Variants in GAS6 observed in about 807,000 individuals in gnomAD.
The protein encoded by GAS6 is growth arrest specific 6.
GAS6 carries 41 observed loss-of-function variants against 75.8 expected under a neutral mutation model. That is an observed-to-expected ratio of 0.54 (90% confidence interval 0.42 to 0.70). The LOEUF (loss-of-function observed/expected upper bound fraction) is 0.70. Among genes scored for constraint, GAS6 ranks in the 30% least tolerant of loss-of-function variants. The pLI, the probability that GAS6 is intolerant of heterozygous loss-of-function variation, is 0.00. For synonymous variants in GAS6, 432 were observed against 412.6 expected, an observed-to-expected ratio of 1.05 and a Z score of -0.57; for missense variants, 854 against 940.2, an observed-to-expected ratio of 0.91 and a Z score of 1.20.
intron 2 of GAS6, among the ~76,000 whole-genome samples, chr13:113,851,936 C>T (rs1351940183): frequency 6.6e-6 from 1 of 152,172 alleles, no homozygotes; most frequent in African/African-American, 2.4e-5. Flanking sequence ...AGGTGGCAAG[C>T]GTGGTGCCCA....
rs1450476757 is a variant in GAS6 at position 113,864,035 on chromosome 13, GGCGGCGGCGGCGGCGGCT to G, written c.-133_-116del. ...GCGGCCCTGAAGGTCACATCGCGGCGGCGGCGGCGGCGGCGGCTGCGGCACCTCAAGCGCTCGGTCTGG... is the reference window on the plus strand; with the variant it reads ...GCGGCCCTGAAGGTCACATCGCGGCGGCGGCACCTCAAGCGCTCGGTCTGG... On this transcript the variant is annotated 5_prime_UTR_variant, in exon 1 of 15. Coordinates refer to ENST00000327773, the MANE Select transcript of GAS6 (RefSeq NM_000820.4). 1.0e-6 allele frequency: 1 copy of G among 958,546 alleles called. No homozygotes were observed. Among genetic ancestry groups the G allele is most frequent in the Non-Finnish European group, 1.2e-6 (1 of 802,404 alleles). The allele number at this position is 958,546 out of a possible 1,614,324, so 59.4% of individuals were successfully genotyped here.
Position 113,828,635 on chromosome 13 carries a change from C to A in GAS6, c.1220G>T (p.Gly407Val), listed in dbSNP as rs747761635. Residue 407 changes from glycine (G) to valine (V), a missense_variant, in exon 11 of 15, where the codon GGG (glycine) becomes GTG (valine). Physicochemically the swap from Gly to Val is moderately radical, Grantham distance 109. Coordinates refer to ENST00000327773, the MANE Select transcript of GAS6 (RefSeq NM_000820.4). ...RDAVMKIAVA[G>V]DLFQPERGLY... Reference sequence around the variant, plus strand: ...TCCTCGCTCCGGTTGGAACAAGTCCCCGGCCACCGCGATTTTCATGACAGC... The same window carrying A: ...TCCTCGCTCCGGTTGGAACAAGTCCACGGCCACCGCGATTTTCATGACAGC... The A allele has an allele frequency of 1.2e-6, 2 of 1,613,596 alleles. No homozygotes were observed. The highest frequency in any genetic ancestry group is 8.5e-7 in the Non-Finnish European group (1 of 1,179,990).
rs1429989858 is a variant in GAS6, at chr13:113,839,828, G to A, written c.366C>T (p.Pro122=). 6 of 1,613,940 alleles carry A rather than the reference G, an allele frequency of 3.7e-6. No homozygotes were observed. In the East Asian group the frequency reaches 1.3e-4, roughly 36 times the overall value. ...CVQNLPDQCT[P]NPCDRKGTQA... is the part of the protein sequence containing the mutation. ...GGGTCCCCTTCCTATCGCAGGGGTT[G>A]GGCGTGCACTGGTCAGGCAGGTCTG... The change falls in exon 5 of 15, where the codon CCC becomes CCT. Residue 122 remains proline (P), a synonymous_variant. Coordinates refer to ENST00000327773, the MANE Select transcript of GAS6 (RefSeq NM_000820.4).
At chr13:113,836,875 GA>G (rs1261923270) in intron 6 of GAS6, among the ~76,000 whole-genome samples, 7 of 95,182 alleles carry the variant, frequency 7.4e-5, no homozygotes, top group Admixed American at 1.1e-4. Flanking sequence ...GGAGTGGGGA[GA>G]GGAGGAGGGG....
At chr13:113,823,656 G>T in intron 12 of GAS6, 106 bp from the exon 13 acceptor site, 1 of 1,124,554 alleles carries the variant, frequency 8.9e-7, no homozygotes, top group African/African-American at 1.6e-5. Flanking sequence ...GTGGGAAGCT[G>T]TGCAGACAGC....
At chr13:113,826,304 C>T (rs1371568887) in intron 12 of GAS6, among the ~76,000 whole-genome samples, 1 of 152,242 alleles carries the variant, frequency 6.6e-6, no homozygotes, top group African/African-American at 2.4e-5. Context: ...CCGAGAGCTT[C>T]TCTGTGCCCC....
chr13:113,823,344 G>A, intron 13 of GAS6, 31 bp downstream of exon 13: 1 of 1,588,784 alleles, frequency 6.3e-7, no homozygotes, highest in Non-Finnish European at 8.6e-7. Flanking sequence ...GGTCGAGCCG[G>A]TCAGGACGCC....
chr13:113,826,390 C>T lies in GAS6; in HGVS notation c.1477+606G>A, dbSNP rs867525140. On this transcript the variant is annotated intron_variant, in intron 12 of 14. Transcript: ENST00000327773. ...GTAAGGCTCCCAGCCTCCCCGGCCTCGCAGGCACCTTCTCTCCCCGGCCTC... is the reference window on the plus strand; with the variant it reads ...GTAAGGCTCCCAGCCTCCCCGGCCTTGCAGGCACCTTCTCTCCCCGGCCTC... Among the ~76,000 whole-genome samples the T allele has an allele frequency of 2.7e-4, 40 of 147,638 alleles. 1 individual carries two copies. Among genetic ancestry groups the T allele is most frequent in the Admixed American group, 5.3e-4 (8 of 14,990 alleles).
In GAS6 at chr13:113,848,978, G is replaced by C. The variant is rs373412155; in HGVS notation, c.256-928C>G. Among the ~76,000 whole-genome samples the C allele has an allele frequency of 7.9e-5, 12 of 152,172 alleles. No homozygotes were observed. Among genetic ancestry groups the C allele is most frequent in the African/African-American group, 2.2e-4 (9 of 41,440 alleles). On this transcript the variant is annotated intron_variant, in intron 2 of 14. Transcript: ENST00000327773. This position sits in a 1 kb window ranked among gnomAD's most constrained non-coding sequence, Gnocchi z 4.8. Reference sequence around the variant, plus strand: ...CAGACAGAGGCGGTAGGTACCCAGCGCCGTCTGCAACGCGCCTCTGGCTTC... The same window carrying C: ...CAGACAGAGGCGGTAGGTACCCAGCCCCGTCTGCAACGCGCCTCTGGCTTC...
In GAS6 at chr13:113,834,725, G is replaced by A. The variant is rs28363802; in HGVS notation, c.713-53C>T. ...GCCGGGGAGGCCTCTACGCTGTCCC[G>A]CCGTGGGATCACACCGCGATTGCTC... On this transcript the variant is annotated intron_variant, in intron 7 of 14. Transcript: ENST00000327773. 9,010 of 1,393,508 alleles carry A rather than the reference G, an allele frequency of 6.5e-3. 46 individuals carry two copies. Among genetic ancestry groups the A allele is most frequent in the Non-Finnish European group, 7.5e-3 (8,037 of 1,064,642 alleles). The allele number at this position is 1,393,508 out of a possible 1,614,324, so 86.3% of individuals were successfully genotyped here.
intron 14 of GAS6, chr13:113,821,735 G>A (rs1414371901): frequency 1.3e-5 from 7 of 522,590 alleles, no homozygotes; most frequent in East Asian, 9.4e-5. Context: ...GGCCAATGCC[G>A]GCCCCCGTAC....
In GAS6 at chr13:113,859,160, G is replaced by T. The variant is rs568452936; in HGVS notation, c.255+4415C>A. 4.0e-5 allele frequency among the ~76,000 whole-genome samples: 6 copies of T among 151,776 alleles called. No individual in the cohort carries two copies. In the South Asian group the frequency reaches 1.3e-3, roughly 32 times the overall value. On this transcript the variant is annotated intron_variant, in intron 2 of 14. Coordinates refer to ENST00000327773, the MANE Select transcript of GAS6 (RefSeq NM_000820.4). ...TCTATGTGAATGTGTGCATGTATGT[G>T]TACATGTCTGCTAGTATGTGCCTTT...
Position 113,836,081 on chromosome 13 carries a change from G to C in GAS6, c.590-446C>G, listed in dbSNP as rs188792594. ...GGGTTAAACCACAATCCTAAGACTT[G>C]AGCATCTAATGTGGGACAGATGCTG... On this transcript the variant is annotated intron_variant, in intron 6 of 14. Coordinates refer to ENST00000327773, the MANE Select transcript of GAS6 (RefSeq NM_000820.4). 9.0e-4 allele frequency: 886 copies of C among 986,142 alleles called. 7 individuals are homozygous for C. The African/African-American group carries it at 0.015, about 17-fold the overall frequency. The allele number at this position is 986,142 out of a possible 1,614,324, so 61.1% of individuals were successfully genotyped here.
chr13:113,823,332 TG>T, intron 13 of GAS6, 42 bp downstream of exon 13: 1 of 1,563,768 alleles, frequency 6.4e-7, no homozygotes, highest in Non-Finnish European at 8.7e-7. Flanking sequence ...CACGTACCCG[TG>T]GGTCGAGCCG....
intron 12 of GAS6, among the ~76,000 whole-genome samples, chr13:113,824,788 A>G (rs2051512980): frequency 6.6e-6 from 1 of 152,198 alleles, no homozygotes. Context: ...CTCAACAACC[A>G]TTTATGGCAC....
intron 6 of GAS6, among the ~76,000 whole-genome samples, chr13:113,836,911 TGGTGGGGAG>T (rs1176486539): frequency 7.6e-5 from 1 of 13,196 alleles, no homozygotes; most frequent in African/African-American, 3.5e-4. Flanking sequence ...GGAGGGGGAA[TGGTGGGGAG>T]GAAGAGGAAG....
intron 3 of GAS6, chr13:113,847,140 G>C (rs1031426923): frequency 1.8e-5 from 6 of 326,170 alleles, no homozygotes; most frequent in African/African-American, 1.1e-4. Flanking sequence ...TCTCGACCTG[G>C]CCCTTCAGTG....
In GAS6 at chr13:113,822,129, C is replaced by T. The variant is rs368109588; in HGVS notation, c.1711G>A (p.Asp571Asn). Residue 571 changes from aspartate (D) to asparagine (N), a missense_variant, in exon 14 of 15, where the codon GAC becomes AAC. Transcript: ENST00000327773. Reference protein sequence around the residue: ...ALALMEIKVCDGQEHVVTVSL... With the variant: ...ALALMEIKVCNGQEHVVTVSL... ...ACGGTGACCACGTGCTCTTGGCCGT[C>T]GCAGACCTTGATCTCCATTAGGGCC... is the stretch of plus-strand genomic sequence containing the variant. The T allele has an allele frequency of 1.3e-5, 21 of 1,600,382 alleles. No homozygotes were observed. The highest frequency in any genetic ancestry group is 4.0e-5 in the African/African-American group (3 of 74,876).
intron 2 of GAS6, among the ~76,000 whole-genome samples, chr13:113,854,250 A>G (rs2051896729): frequency 6.6e-6 from 1 of 152,172 alleles, no homozygotes; most frequent in Non-Finnish European, 1.5e-5. Context: ...AGCACCCTCC[A>G]TGCCTCACAG....
Sources: gnomAD v4.1 joint callset for allele counts (sites outside exome capture counted in the v4.1 genomes callset) on GRCh38, gnomAD v4.1.1 for gene constraint, Gnocchi (gnomAD v3.1) non-coding constraint, MANE v1.5 for transcripts, NCBI Gene and HGNC (gene_info 2026-07-23, HGNC 2026-07-21) for gene names.